PLPP1: variants seen among roughly 807,000 people sequenced by gnomAD.
PLPP1 encodes the protein phospholipid phosphatase 1, also known as lipid phosphate phosphohydrolase 1a.
A neutral mutation model predicts 31.2 loss-of-function variants in PLPP1; 24 were observed. That is an observed-to-expected ratio of 0.77 (90% CI 0.56 to 1.08). The LOEUF (loss-of-function observed/expected upper bound fraction) is 1.08. Among genes scored for constraint, PLPP1 ranks in the 50% least tolerant of loss-of-function variants. The pLI is 0.00. For missense variants in PLPP1, 319 were observed against 342.7 expected (o/e 0.93, Z 0.55); for synonymous variants, 146 against 126.3 (o/e 1.16, Z -1.05).
At chr5:55,432,318 A>G (rs754319521) in intron 4 of PLPP1, among the ~76,000 whole-genome samples, 2 of 152,038 alleles carry the variant, frequency 1.3e-5, no homozygotes, top group African/African-American at 2.4e-5. Flanking sequence ...GATACATACA[A>G]TCTTCCAAGA....
chr5:55,494,881 G>T (rs1006301242), intron 1 of PLPP1, among the ~76,000 whole-genome samples: 1 of 151,554 alleles, frequency 6.6e-6, no homozygotes, highest in African/African-American at 2.4e-5. Flanking sequence ...AGCACTTTGG[G>T]AGGCAAAGGC....
Position 55,425,259 on chromosome 5 carries a change from G to C in PLPP1, c.802C>G (p.Leu268Val), listed in dbSNP as rs1203073572. The C allele has an allele frequency of 6.2e-7, 1 of 1,613,292 alleles. No homozygotes were observed. Among genetic ancestry groups the C allele is most frequent in the East Asian group, 2.2e-5 (1 of 44,872 alleles). Residue 268 changes from leucine (L) to valine (V), a missense_variant, in exon 6 of 6, where the codon CTG (leucine) becomes GTG (valine). Coordinates refer to ENST00000307259, the MANE Select transcript of PLPP1 (RefSeq NM_003711.4). The stretch of plus-strand genomic sequence containing the variant: ...TTCCCAGTTGTTGGTGTTTCATGCA[G>C]AGTTGTATGAGAGTCCTCCTCTTTT... ...ERKEEDSHTTLHETPTTGNHY... is the reference protein window; with the variant it reads ...ERKEEDSHTTVHETPTTGNHY...
chr5:55,479,554 G>A lies in PLPP1; in HGVS notation c.59-4104C>T, dbSNP rs375930239. Among the ~76,000 whole-genome samples the A allele has an allele frequency of 1.3e-3, 203 of 152,310 alleles. 2 individuals carry two copies. The Middle Eastern group carries it at 0.024, about 18-fold the overall frequency. Reference sequence around the variant, plus strand: ...AAGGTGGCAAACAACACTGAGCCATGTACAAGGAAGACTGGCTGAAGAAGA... The same window carrying A: ...AAGGTGGCAAACAACACTGAGCCATATACAAGGAAGACTGGCTGAAGAAGA... On this transcript the variant is annotated intron_variant, in intron 1 of 5. Coordinates refer to ENST00000307259, the MANE Select transcript of PLPP1 (RefSeq NM_003711.4).
At chr5:55,500,342 G>A (rs1440763975) in intron 1 of PLPP1, among the ~76,000 whole-genome samples, 1 of 151,970 alleles carries the variant, frequency 6.6e-6, no homozygotes, top group Admixed American at 6.6e-5. Flanking sequence ...GCCTCCCAAA[G>A]TCTTGGGATT....
At chr5:55,471,412 G>C (rs1434080078) in intron 2 of PLPP1, among the ~76,000 whole-genome samples, 2 of 152,102 alleles carry the variant, frequency 1.3e-5, no homozygotes, top group African/African-American at 4.8e-5. Context: ...GTCTTGACCA[G>C]GGTGGTCTCG....
chr5:55,530,890 A>G (rs903701513), intron 1 of PLPP1, among the ~76,000 whole-genome samples: 2 of 152,230 alleles, frequency 1.3e-5, no homozygotes, highest in Admixed American at 6.5e-5. Flanking sequence ...GGATGGGGGA[A>G]CAAGGCGATG....
chr5:55,480,839 CT>C (rs1752654054), intron 1 of PLPP1, among the ~76,000 whole-genome samples: 1 of 152,130 alleles, frequency 6.6e-6, no homozygotes, highest in African/African-American at 2.4e-5. Flanking sequence ...TAAGTTGATG[CT>C]TAACTTTTTA....
At chr5:55,505,157 C>T (rs1753246334) in intron 1 of PLPP1, among the ~76,000 whole-genome samples, 1 of 152,056 alleles carries the variant, frequency 6.6e-6, no homozygotes, top group Non-Finnish European at 1.5e-5. Flanking sequence ...TCTCCCTTAC[C>T]TCCTCCCAAT....
At chr5:55,454,475 T>C (rs1751963364) in intron 3 of PLPP1, among the ~76,000 whole-genome samples, 1 of 152,220 alleles carries the variant, frequency 6.6e-6, no homozygotes, top group South Asian at 2.1e-4. Context: ...GTCAGTAAAT[T>C]AGCTGGTCCA....
At chr5:55,476,066 T>C (rs1752543325) in intron 1 of PLPP1, among the ~76,000 whole-genome samples, 1 of 151,248 alleles carries the variant, frequency 6.6e-6, no homozygotes, top group Non-Finnish European at 1.5e-5. Context: ...GCAGCCTTGA[T>C]CTCCTGGGCT....
intron 1 of PLPP1, among the ~76,000 whole-genome samples, chr5:55,489,577 G>A (rs533317579): frequency 6.6e-6 from 1 of 151,998 alleles, no homozygotes; most frequent in African/African-American, 2.4e-5. Context: ...ATACCTCTTA[G>A]AACATAATAA....
chr5:55,520,404 G>T (rs541990613), intron 1 of PLPP1, among the ~76,000 whole-genome samples: 1 of 152,304 alleles, frequency 6.6e-6, no homozygotes, highest in East Asian at 1.9e-4. Context: ...CATTTAAATA[G>T]CAGACTGTGT....
At chr5:55,436,934 G>C (rs1751505677) in intron 4 of PLPP1, among the ~76,000 whole-genome samples, 1 of 152,086 alleles carries the variant, frequency 6.6e-6, no homozygotes, top group South Asian at 2.1e-4. Flanking sequence ...GGTCATAAGG[G>C]GTTAACCCTC....
At chr5:55,523,899 A>G (rs1401649282) in intron 1 of PLPP1, among the ~76,000 whole-genome samples, 1 of 152,114 alleles carries the variant, frequency 6.6e-6, no homozygotes, top group Non-Finnish European at 1.5e-5. Context: ...TATCCCCAAA[A>G]GTCTAACTTT....
At chr5:55,523,371 C>G (rs1025679456) in intron 1 of PLPP1, among the ~76,000 whole-genome samples, 1 of 152,134 alleles carries the variant, frequency 6.6e-6, no homozygotes, top group Admixed American at 6.5e-5. Context: ...CCACTTCACC[C>G]TCTCCATTTA....
intron 1 of PLPP1, among the ~76,000 whole-genome samples, chr5:55,519,718 C>G (rs890676880): frequency 6.6e-6 from 1 of 150,862 alleles, no homozygotes; most frequent in African/African-American, 2.4e-5. Context: ...CCATTGCACT[C>G]CAGCCTGGAC....
intron 4 of PLPP1, among the ~76,000 whole-genome samples, chr5:55,431,961 A>C (rs1335030447): frequency 6.6e-6 from 1 of 152,204 alleles, no homozygotes; most frequent in Non-Finnish European, 1.5e-5. Context: ...TCTCACTGTC[A>C]CCCAGTCTGG....
rs560592203 is a variant in PLPP1 at position 55,483,402 on chromosome 5, G to A, written c.59-7952C>T. On this transcript the variant is annotated intron_variant, in intron 1 of 5. Transcript: ENST00000307259. ...TACATTATTCGAGGCTAGGTGCAGC[G>A]GCTCATGCCTGTAATCCCAGAACTT... Among the ~76,000 whole-genome samples, 8 of 152,142 alleles carry A rather than the reference G, an allele frequency of 5.3e-5. 1 individual carries two copies. The South Asian group carries it at 6.2e-4, about 12-fold the overall frequency.
chr5:55,431,284 C>G (rs1447551060), intron 4 of PLPP1, among the ~76,000 whole-genome samples: 2 of 152,132 alleles, frequency 1.3e-5, no homozygotes, highest in Admixed American at 1.3e-4. Context: ...GAGAATAAAA[C>G]AGCAAGAGAA....
Sources: gnomAD v4.1 joint callset for allele counts (sites outside exome capture counted in the v4.1 genomes callset) on GRCh38, gnomAD v4.1.1 for gene constraint, MANE v1.5 for transcripts, NCBI Gene and HGNC (gene_info 2026-07-23, HGNC 2026-07-21) for gene names.